The following LAMA1 variants were observed in gnomAD, a reference collection of about 807,000 sequenced individuals.
LAMA1 encodes laminin subunit alpha 1, also known as laminin subunit alpha-1.
A neutral mutation model predicts 348.7 loss-of-function variants in LAMA1; 219 were observed. The observed-to-expected ratio is 0.63, with a 90% CI of 0.56 to 0.70. The LOEUF (loss-of-function observed/expected upper bound fraction) is 0.70, where lower values mean the gene tolerates loss of function less well. LAMA1 is among the 30% of genes least tolerant of loss of function. The pLI is 0.00. For synonymous variants in LAMA1, 1,487 were observed against 1,491.0 expected, an observed-to-expected ratio of 1.00 and a Z score of 0.06; for missense variants, 3,744 against 3,888.0, an observed-to-expected ratio of 0.96 and a Z score of 0.99.
At chr18:7,056,919 T>C (rs1438824692) in intron 3 of LAMA1, among the ~76,000 whole-genome samples, 5 of 151,846 alleles carry the variant, frequency 3.3e-5, no homozygotes, top group African/African-American at 1.2e-4. Flanking sequence ...TCTCCCAGAC[T>C]GGAGTGCAGT....
At chr18:7,021,823 T>TATATA (rs1439040504) in intron 19 of LAMA1, among the ~76,000 whole-genome samples, 1 of 108,028 alleles carries the variant, frequency 9.3e-6, no homozygotes, top group Non-Finnish European at 1.7e-5. Flanking sequence ...TAATATATAT[T>TATATA]ATATAATATA....
chr18:6,972,417 A>G (rs1000008775), intron 47 of LAMA1, among the ~76,000 whole-genome samples: 1 of 152,256 alleles, frequency 6.6e-6, no homozygotes, highest in East Asian at 1.9e-4. Context: ...AACACTGATT[A>G]GTATTAATTG....
chr18:7,111,064 CATAA>C (rs2058333948), intron 1 of LAMA1, among the ~76,000 whole-genome samples: 1 of 152,146 alleles, frequency 6.6e-6, no homozygotes, highest in South Asian at 2.1e-4. Context: ...TGGCACTTTC[CATAA>C]ATACTCATTG....
At position 7,037,653 on chromosome 18, in the gene LAMA1, G is replaced by A. The variant is rs1400921098; in HGVS notation, c.1662C>T (p.Ile554=). ...GTCTCTGCATGACCGCGGTGTTGTT[G>A]ATGCTGACCTGATGGCGCCCGCCTA... ...DALGGRHQVS[I]NNTAVMQRLA... is the part of the protein sequence containing the mutation. Residue 554 remains isoleucine (I), a synonymous_variant, in exon 12 of 63, where the codon ATC becomes ATT. Coordinates refer to ENST00000389658, the MANE Select transcript of LAMA1 (RefSeq NM_005559.4). The A allele has an allele frequency of 6.2e-7, 1 of 1,614,070 alleles. No individual in the cohort carries two copies. Among genetic ancestry groups the A allele is most frequent in the African/African-American group, 1.3e-5 (1 of 74,922 alleles).
chr18:7,039,076 G>C (rs1353408784), intron 10 of LAMA1, 126 bp from the exon 11 acceptor site: 7 of 804,170 alleles, frequency 8.7e-6, no homozygotes, highest in Non-Finnish European at 1.5e-5. Flanking sequence ...CAAAGTAAAG[G>C]TGAGGCCTCA....
At chr18:7,035,485 C>T (rs1463625150) in intron 13 of LAMA1, among the ~76,000 whole-genome samples, 1 of 151,734 alleles carries the variant, frequency 6.6e-6, no homozygotes, top group African/African-American at 2.4e-5. Context: ...TGCAGTGGTG[C>T]AATCACAGCT....
At chr18:7,037,182 G>T (rs1198738349) in intron 12 of LAMA1, among the ~76,000 whole-genome samples, 1 of 152,156 alleles carries the variant, frequency 6.6e-6, no homozygotes, top group African/African-American at 2.4e-5. Context: ...ACCTTCCCTG[G>T]GTTGTTTCTT....
At chr18:7,107,486 CAAG>C (rs1445605099) in intron 1 of LAMA1, among the ~76,000 whole-genome samples, 1 of 152,026 alleles carries the variant, frequency 6.6e-6, no homozygotes, top group Non-Finnish European at 1.5e-5. Flanking sequence ...CTAAGAATGC[CAAG>C]AAGTGTCCTG....
chr18:7,083,562 T>C (rs1443512410), intron 1 of LAMA1, among the ~76,000 whole-genome samples: 1 of 152,198 alleles, frequency 6.6e-6, no homozygotes, highest in Admixed American at 6.5e-5. Flanking sequence ...TTCATTAGCA[T>C]GCCTATGCAA....
At chr18:7,117,113 G>T (rs1358198016) in intron 1 of LAMA1, among the ~76,000 whole-genome samples, 1 of 152,176 alleles carries the variant, frequency 6.6e-6, no homozygotes, top group African/African-American at 2.4e-5. Context: ...CCTTCTCGCC[G>T]CGTCTCTCCC....
rs763517000 is a variant in LAMA1 at position 7,012,055 on chromosome 18, C to T, written c.3447G>A (p.Pro1149=). 6.8e-6 allele frequency: 11 copies of T among 1,612,090 alleles called. No homozygotes were observed. Among genetic ancestry groups the T allele is most frequent in the Admixed American group, 1.7e-5 (1 of 59,778 alleles). The change falls in exon 24 of 63, where the codon CCG becomes CCA. Residue 1149 remains proline (P), a synonymous_variant. Transcript: ENST00000389658. ...LRADNPLGCS[P]CFCSGLSHLC... ...GGTGGGACAGCCCGGAGCAGAAGCA[C>T]GGGCTGCAGCCCAGGGGGTTGTCTG...
rs1568027871 is a variant in LAMA1 at position 7,007,141 on chromosome 18, G to T, written c.4258C>A (p.Leu1420Met). ...AGCACCCCCACAAACCAGCATACCA[G>T]ACACTTCCCGGTGTTGGGGTCACAG... ...DTCDPNTGKC[L>M]NCGDNTAGDH... The change falls in exon 29 of 63, where the codon CTG becomes ATG. Residue 1420 changes from leucine (L) to methionine (M), a missense_variant and splice_region_variant. Physicochemically the swap from Leu to Met is conservative, Grantham distance 15. Around this residue, in one of 3 missense-constraint regions of LAMA1, gnomAD observed 1,983 missense variants for 1,934.3 expected, o/e 1.03. Transcript: ENST00000389658. 2 of 1,613,990 alleles carry T rather than the reference G, an allele frequency of 1.2e-6. No homozygotes were observed. Among genetic ancestry groups the T allele is most frequent in the Non-Finnish European group, 1.7e-6 (2 of 1,179,982 alleles).
At position 7,075,549 on chromosome 18, in the gene LAMA1, G is replaced by A. The variant is rs556922370; in HGVS notation, c.345+4426C>T. On this transcript the variant is annotated intron_variant, in intron 3 of 62. Coordinates refer to ENST00000389658, the MANE Select transcript of LAMA1 (RefSeq NM_005559.4). Reference sequence around the variant, plus strand: ...AGGCAGGAGAATCGCTTGAACCCTGGGAGGCGGAGGTTGCAGTGAGCCGAG... The same window carrying A: ...AGGCAGGAGAATCGCTTGAACCCTGAGAGGCGGAGGTTGCAGTGAGCCGAG... Among the ~76,000 whole-genome samples the A allele has an allele frequency of 2.3e-3, 357 of 152,252 alleles. 2 individuals are homozygous for A. Among genetic ancestry groups the A allele is most frequent in the Non-Finnish European group, 3.6e-3 (247 of 68,022 alleles).
At chr18:7,036,603 G>A (rs1018325599) in intron 12 of LAMA1, among the ~76,000 whole-genome samples, 12 of 151,778 alleles carry the variant, frequency 7.9e-5, no homozygotes, top group African/African-American at 2.9e-4. Context: ...ATATTGTTCA[G>A]AACCCAACTT....
chr18:6,943,331 G>A lies in LAMA1; in HGVS notation c.8916C>T (p.Leu2972=). The part of the protein sequence containing the change: ...AAYEPKTATV[L]CDGKWHTLQA... ...GAAGAGTGTGCCATTTTCCATCACA[G>A]AGCACAGTGGCGGTTTTGGGCTCAT... Residue 2972 remains leucine, a synonymous_variant, in exon 62 of 63, where the codon CTC becomes CTT. Transcript: ENST00000389658. 6.2e-7 allele frequency: 1 copy of A among 1,614,154 alleles called. No individual in the cohort carries two copies. The highest frequency in any genetic ancestry group is 8.5e-7 in the Non-Finnish European group (1 of 1,180,032).
intron 48 of LAMA1, among the ~76,000 whole-genome samples, chr18:6,969,318 C>G (rs535002145): frequency 1.3e-5 from 2 of 152,084 alleles, no homozygotes; most frequent in Non-Finnish European, 2.9e-5. Flanking sequence ...GGATTACAGG[C>G]GTGACCCTCA....
chr18:6,960,674 T>TAAA (rs1352926000), intron 53 of LAMA1: 5 of 139,778 alleles, frequency 3.6e-5, no homozygotes, highest in African/African-American at 1.4e-4. Context: ...TCAGCTCAAC[T>TAAA]ACAAAAAAAA....
intron 29 of LAMA1, 82 bp downstream of exon 29, chr18:7,007,057 G>A: frequency 6.4e-7 from 1 of 1,570,392 alleles, no homozygotes; most frequent in African/African-American, 1.4e-5. Context: ...CCAAGGCACG[G>A]CTATGACTTA....
At chr18:7,035,683 C>T (rs1373344520) in intron 13 of LAMA1, among the ~76,000 whole-genome samples, 1 of 152,158 alleles carries the variant, frequency 6.6e-6, no homozygotes, top group Non-Finnish European at 1.5e-5. Context: ...TCCCAAAGCA[C>T]TTACATTATA....
Sources: gnomAD v4.1 joint callset for allele counts (sites outside exome capture counted in the v4.1 genomes callset) on GRCh38, gnomAD v4.1.1 for gene constraint, gnomAD v4.1.1 regional missense constraint, MANE v1.5 for transcripts, NCBI Gene and HGNC (gene_info 2026-07-23, HGNC 2026-07-21) for gene names.